The following NTM variants were observed in gnomAD, a reference collection of about 807,000 sequenced individuals.
NTM encodes the protein neurotrimin.
A neutral mutation model predicts 42.1 loss-of-function variants in NTM; 13 were observed. The ratio of observed to expected loss-of-function variants is 0.31; its 90% CI spans 0.20 to 0.49. The LOEUF is 0.49. Among genes scored for constraint, NTM ranks in the 20% least tolerant of loss-of-function variants. The probability of loss-of-function intolerance (pLI) is 0.99; values close to 1 mark genes in which losing one functional copy is unlikely to be tolerated. For missense variants in NTM, 373 were observed against 452.8 expected (o/e 0.82, Z 1.60); for synonymous variants, 187 against 179.2 (o/e 1.04, Z -0.35).
chr11:131,878,364 A>G (rs2048840781), intron 1 of NTM, among the ~76,000 whole-genome samples: 1 of 151,698 alleles, frequency 6.6e-6, no homozygotes, highest in African/African-American at 2.4e-5. Flanking sequence ...TGAGGTCAGG[A>G]GTTCGAGACC....
chr11:131,724,874 G>A (rs1224179007), intron 1 of NTM, among the ~76,000 whole-genome samples: 2 of 152,178 alleles, frequency 1.3e-5, no homozygotes, highest in Admixed American at 6.5e-5. Flanking sequence ...GGAAATGACT[G>A]GAAATTATGG....
intron 1 of NTM, among the ~76,000 whole-genome samples, chr11:131,398,122 G>A (rs192372546): frequency 1.3e-5 from 2 of 152,110 alleles, no homozygotes; most frequent in Admixed American, 1.3e-4. Context: ...GTTCTGCTTG[G>A]GACCAAGTTA....
At chr11:131,487,221 CT>C (rs1954274561) in intron 1 of NTM, among the ~76,000 whole-genome samples, 1 of 152,166 alleles carries the variant, frequency 6.6e-6, no homozygotes, top group South Asian at 2.1e-4. Flanking sequence ...ATCTTAAACT[CT>C]TGTTATAGCC....
intron 1 of NTM, among the ~76,000 whole-genome samples, chr11:131,904,536 C>G (rs2053590862): frequency 6.6e-6 from 1 of 152,166 alleles, no homozygotes; most frequent in Non-Finnish European, 1.5e-5. Context: ...CCAAGATGTT[C>G]TTATCCAGTG....
At chr11:131,576,094 G>T (rs552672854) in intron 1 of NTM, among the ~76,000 whole-genome samples, 1 of 152,256 alleles carries the variant, frequency 6.6e-6, no homozygotes, top group South Asian at 2.1e-4. Flanking sequence ...GAAAAAGGGA[G>T]TCAGTATGAT....
Position 131,522,033 on chromosome 11 carries a change from C to T in NTM, c.82+151145C>T, listed in dbSNP as rs932784858. Among the ~76,000 whole-genome samples the T allele has an allele frequency of 5.9e-5, 9 of 152,068 alleles. No homozygotes were observed. In the South Asian group the frequency reaches 1.9e-3, roughly 32 times the overall value. ...TGACGTGATTTATATGAAAGGATCG[C>T]CAGGCAGATATATGAAAAGACTACA... is the stretch of plus-strand genomic sequence containing the variant. On this transcript the variant is annotated intron_variant, in intron 1 of 8. Coordinates refer to ENST00000683400, the MANE Select transcript of NTM (RefSeq NM_001352005.2).
chr11:131,473,968 A>T (rs1228643813), intron 1 of NTM, among the ~76,000 whole-genome samples: 1 of 152,112 alleles, frequency 6.6e-6, no homozygotes, highest in Non-Finnish European at 1.5e-5. Context: ...AACCCTGAAC[A>T]TGTCTTCTTC....
intron 8 of NTM, among the ~76,000 whole-genome samples, chr11:132,330,491 C>A (rs1484128742): frequency 6.6e-6 from 1 of 152,204 alleles, no homozygotes; most frequent in Non-Finnish European, 1.5e-5. Flanking sequence ...CTGCCTCTTT[C>A]CTCACACACG....
intron 4 of NTM, among the ~76,000 whole-genome samples, chr11:132,243,585 C>T (rs957719409): frequency 3.9e-5 from 6 of 152,166 alleles, no homozygotes; most frequent in Admixed American, 3.3e-4. Context: ...TTCCCTCATC[C>T]TTAGCCCATG....
intron 1 of NTM, among the ~76,000 whole-genome samples, chr11:131,619,228 G>C (rs1187198291): frequency 6.6e-6 from 1 of 152,162 alleles, no homozygotes; most frequent in Non-Finnish European, 1.5e-5. Context: ...GGAAAGTGGA[G>C]GCAGTCAAAT....
At chr11:131,548,554 A>G (rs1213276515) in intron 1 of NTM, among the ~76,000 whole-genome samples, 1 of 152,182 alleles carries the variant, frequency 6.6e-6, no homozygotes, top group Non-Finnish European at 1.5e-5. Flanking sequence ...AGGCTTTATG[A>G]GATACAAAAG....
At chr11:131,729,570 C>G (rs1054317297) in intron 1 of NTM, among the ~76,000 whole-genome samples, 1 of 152,094 alleles carries the variant, frequency 6.6e-6, no homozygotes, top group South Asian at 2.1e-4. Flanking sequence ...AACCCTGTAC[C>G]CATTAGCAAT....
intron 2 of NTM, among the ~76,000 whole-genome samples, chr11:132,133,675 T>C (rs756244174): frequency 6.6e-6 from 1 of 152,282 alleles, no homozygotes; most frequent in South Asian, 2.1e-4. Context: ...TCTGTTTATA[T>C]GTCTGATGGT....
chr11:131,552,566 A>G (rs1024465880), intron 1 of NTM, among the ~76,000 whole-genome samples: 2 of 151,468 alleles, frequency 1.3e-5, no homozygotes. Context: ...CTGTAATCCC[A>G]GCACTTTGGG....
chr11:132,247,952 G>A (rs147268154), intron 4 of NTM, among the ~76,000 whole-genome samples: 10 of 152,184 alleles, frequency 6.6e-5, no homozygotes, highest in Non-Finnish European at 1.5e-4. Context: ...TAAATCCTTG[G>A]ATTTTCCAAG....
At position 132,336,785 on chromosome 11, in the gene NTM, C is replaced by G. The variant is rs903219683; in HGVS notation, c.*1639C>G. 1.3e-5 allele frequency: 2 copies of G among 152,010 alleles called. No individual in the cohort carries two copies. The highest frequency in any genetic ancestry group is 6.6e-5 in the Admixed American group (1 of 15,254). 9.4% of individuals were successfully genotyped at this position (152,010 alleles called of 1,614,324 possible). A position where few individuals can be genotyped will look rare whatever the true frequency, so the allele number is the denominator to read the frequency against. On this transcript the variant is annotated 3_prime_UTR_variant, in exon 9 of 9. Transcript: ENST00000683400. ...GGGATCCGGGAGGGTGGGGTTGTCT[C>G]TGACTTGACATTAAAAAGTGTTCCA...
At chr11:131,567,508 T>C (rs2057018890) in intron 1 of NTM, among the ~76,000 whole-genome samples, 1 of 151,794 alleles carries the variant, frequency 6.6e-6, no homozygotes, top group Non-Finnish European at 1.5e-5. Context: ...CCCAAAAATC[T>C]AGAGTCTGGC....
At chr11:132,079,027 C>T (rs10894492) in intron 2 of NTM, among the ~76,000 whole-genome samples, 38,606 of 151,998 alleles carry the variant, frequency 0.25, 5,251 homozygotes, top group African/African-American at 0.33. Context: ...ATCATGGGGT[C>T]GACCCAGTGG....
chr11:132,227,089 C>T (rs1342633438), intron 4 of NTM, among the ~76,000 whole-genome samples: 4 of 152,150 alleles, frequency 2.6e-5, no homozygotes, highest in South Asian at 4.1e-4. Context: ...CTGGCTATCC[C>T]ACATGCAGCG....
Sources: gnomAD v4.1 joint callset for allele counts (sites outside exome capture counted in the v4.1 genomes callset) on GRCh38, gnomAD v4.1.1 for gene constraint, MANE v1.5 for transcripts, NCBI Gene and HGNC (gene_info 2026-07-23, HGNC 2026-07-21) for gene names.